Variants in GNG2 observed in about 807,000 individuals in gnomAD.
GNG2 encodes guanine nucleotide-binding protein G(I)/G(S)/G(O) subunit gamma-2.
Under a neutral mutation model 5.5 loss-of-function variants are expected in GNG2, and 5 were observed. The observed-to-expected ratio is 0.91, with a 90% CI of 0.48 to 1.92. GNG2 has a LOEUF of 1.92. GNG2 is among the 30% of genes most tolerant of loss of function. The probability of loss-of-function intolerance (pLI) is 0.01; values close to 1 mark genes in which losing one functional copy is unlikely to be tolerated. For missense variants in GNG2, 55 were observed against 88.4 expected (o/e 0.62, Z 1.52); for synonymous variants, 28 against 32.0 (o/e 0.88, Z 0.42).
At chr14:51,942,517 G>A (rs554493403) in intron 2 of GNG2, among the ~76,000 whole-genome samples, 5 of 147,166 alleles carry the variant, frequency 3.4e-5, no homozygotes, top group African/African-American at 1.2e-4. Flanking sequence ...GGGACCTTGA[G>A]AAAAGATTGA....
intron 2 of GNG2, among the ~76,000 whole-genome samples, chr14:51,904,638 G>A (rs1165139829): frequency 6.6e-6 from 1 of 152,060 alleles, no homozygotes; most frequent in African/African-American, 2.4e-5. Context: ...TGAGAAAGAG[G>A]GAAACTAGAT....
intron 2 of GNG2, among the ~76,000 whole-genome samples, chr14:51,844,780 C>A (rs937244034): frequency 1.8e-4 from 28 of 152,008 alleles, no homozygotes; most frequent in African/African-American, 5.8e-4. Flanking sequence ...GGCTGTAGTG[C>A]AATGGCATGA....
chr14:51,928,841 T>A (rs1217612249), intron 2 of GNG2, among the ~76,000 whole-genome samples: 1 of 152,132 alleles, frequency 6.6e-6, no homozygotes, highest in Non-Finnish European at 1.5e-5. Flanking sequence ...GAGGGTTCTG[T>A]GATTTACAGG....
intron 2 of GNG2, among the ~76,000 whole-genome samples, chr14:51,891,524 C>T (rs968582313): frequency 6.6e-6 from 1 of 152,178 alleles, no homozygotes; most frequent in Non-Finnish European, 1.5e-5. Context: ...TTAAGTACCA[C>T]CTTTAAAAAC....
chr14:51,838,329 A>G (rs1881394178), intron 2 of GNG2, among the ~76,000 whole-genome samples: 2 of 152,140 alleles, frequency 1.3e-5, no homozygotes, highest in African/African-American at 4.8e-5. Context: ...CTGTAATCAC[A>G]GCTGCTCAGG....
intron 3 of GNG2, among the ~76,000 whole-genome samples, chr14:51,960,321 A>G (rs569159107): frequency 6.6e-6 from 1 of 151,784 alleles, no homozygotes; most frequent in African/African-American, 2.4e-5. Flanking sequence ...TTTCATCTCT[A>G]CATATTTGAT....
At chr14:51,839,179 A>G (rs909250684) in intron 2 of GNG2, among the ~76,000 whole-genome samples, 21 of 152,190 alleles carry the variant, frequency 1.4e-4, no homozygotes, top group Non-Finnish European at 3.1e-4. Flanking sequence ...CCCTGATGAC[A>G]TATGTCCACG....
chr14:51,908,718 C>T (rs558954479), intron 2 of GNG2, among the ~76,000 whole-genome samples: 31 of 148,080 alleles, frequency 2.1e-4, no homozygotes, highest in East Asian at 6.1e-4. Context: ...TACAGGCGTG[C>T]GCCACCACAC....
chr14:51,940,705 C>A (rs1888269657), intron 2 of GNG2, among the ~76,000 whole-genome samples: 1 of 152,132 alleles, frequency 6.6e-6, no homozygotes, highest in East Asian at 1.9e-4. Context: ...CCCAATAAAT[C>A]TTTATTGATT....
At chr14:51,841,408 A>G in intron 2 of GNG2, 1 of 563,792 alleles carries the variant, frequency 1.8e-6, no homozygotes. Flanking sequence ...CAAACAAACA[A>G]ACAAACAAAA....
chr14:51,839,504 G>A (rs1881426226), intron 2 of GNG2, among the ~76,000 whole-genome samples: 1 of 152,112 alleles, frequency 6.6e-6, no homozygotes, highest in Admixed American at 6.6e-5. Context: ...AGGTGGGTTT[G>A]CCCTACACAG....
intron 2 of GNG2, among the ~76,000 whole-genome samples, chr14:51,928,531 G>A (rs1223187662): frequency 3.9e-5 from 6 of 152,010 alleles, no homozygotes; most frequent in African/African-American, 9.7e-5. Flanking sequence ...ACCTCATATC[G>A]TCCTTGTGTG....
chr14:51,932,007 G>A (rs1156877384), intron 2 of GNG2, among the ~76,000 whole-genome samples: 2 of 152,058 alleles, frequency 1.3e-5, no homozygotes. Context: ...AGCACTTTGG[G>A]AAGCCGAGGT....
intron 2 of GNG2, among the ~76,000 whole-genome samples, chr14:51,923,170 C>A (rs913459065): frequency 1.3e-5 from 2 of 152,196 alleles, no homozygotes; most frequent in African/African-American, 4.8e-5. Flanking sequence ...CTGTTGTGGA[C>A]TGGCGAATTG....
chr14:51,910,171 A>G (rs570597540), intron 2 of GNG2, among the ~76,000 whole-genome samples: 1 of 152,344 alleles, frequency 6.6e-6, no homozygotes, highest in East Asian at 1.9e-4. Context: ...ATTTATGTCT[A>G]GAAATTAGCA....
rs1890093855 is a variant in GNG2 at position 51,969,280 on chromosome 14, T to C, written c.*2593T>C. 1.3e-5 allele frequency: 2 copies of C among 152,178 alleles called. No homozygotes were observed. Among genetic ancestry groups the C allele is most frequent in the African/African-American group, 4.8e-5 (2 of 41,448 alleles). 9.4% of individuals were successfully genotyped at this position (152,178 alleles called of 1,614,324 possible). ...TAAACTTCATATTTAGAATGCAAAG[T>C]CTATAAAGAATAATTTTACATGATC... On this transcript the variant is annotated 3_prime_UTR_variant, in exon 4 of 4. Coordinates refer to ENST00000556766, the MANE Select transcript of GNG2 (RefSeq NM_053064.5).
intron 2 of GNG2, among the ~76,000 whole-genome samples, chr14:51,904,273 C>T (rs531925653): frequency 2.9e-4 from 44 of 152,290 alleles, no homozygotes; most frequent in African/African-American, 1.0e-3. Flanking sequence ...TGATTCTCCA[C>T]ATTACCAGCT....
chr14:51,849,699 G>A (rs1881817382), intron 2 of GNG2, among the ~76,000 whole-genome samples: 1 of 151,922 alleles, frequency 6.6e-6, no homozygotes, highest in African/African-American at 2.4e-5. Flanking sequence ...AAATCCATGC[G>A]ATCAGAAACA....
chr14:51,830,510 A>G (rs935066984), intron 2 of GNG2, among the ~76,000 whole-genome samples: 10 of 152,288 alleles, frequency 6.6e-5, no homozygotes, highest in East Asian at 1.9e-4. Context: ...CTTACCTTCA[A>G]TCTGCTTCTC....
Sources: allele counts gnomAD v4.1 joint callset (sites outside exome capture counted in the v4.1 genomes callset), GRCh38; gene constraint gnomAD v4.1.1; transcripts MANE v1.5; gene names NCBI Gene and HGNC (gene_info 2026-07-23, HGNC 2026-07-21).